The following FGF14 variants were observed in gnomAD, a reference collection of about 807,000 sequenced individuals.
FGF14 encodes fibroblast growth factor homologous factor 4.
FGF14 carries 5 observed loss-of-function variants against 25.5 expected under a neutral mutation model. The observed-to-expected ratio is 0.20, with a 90% confidence interval of 0.10 to 0.41. The LOEUF (loss-of-function observed/expected upper bound fraction) is 0.41, where lower values mean the gene tolerates loss of function less well. FGF14 is among the 10% of genes least tolerant of loss of function. The pLI, the probability that FGF14 is intolerant of heterozygous loss-of-function variation, is 1.00. For synonymous variants in FGF14, 138 were observed against 118.3 expected, an observed-to-expected ratio of 1.17 and a Z score of -1.08; for missense variants, 222 against 320.1, an observed-to-expected ratio of 0.69 and a Z score of 2.34.
At chr13:101,850,487 T>C (rs1488270566) in intron 3 of FGF14, among the ~76,000 whole-genome samples, 1 of 1,740 alleles carries the variant, frequency 5.7e-4, no homozygotes, top group Admixed American at 0.014. Context: ...TATATATATA[T>C]ATATATATAT....
At chr13:102,068,503 G>C (rs560503089) in intron 1 of FGF14, among the ~76,000 whole-genome samples, 10 of 152,298 alleles carry the variant, frequency 6.6e-5, no homozygotes, top group African/African-American at 1.9e-4. Context: ...CCAGGGCTGC[G>C]TACAGTGCTT....
At chr13:101,978,821 C>T (rs1184491045) in intron 1 of FGF14, among the ~76,000 whole-genome samples, 3 of 152,176 alleles carry the variant, frequency 2.0e-5, no homozygotes. Context: ...GATAAGCCCT[C>T]CCTGGAAGAG....
chr13:102,356,135 G>A (rs554001008), intron 1 of FGF14, among the ~76,000 whole-genome samples: 1 of 152,198 alleles, frequency 6.6e-6, no homozygotes, highest in Non-Finnish European at 1.5e-5. Context: ...GAAAAATAAA[G>A]AGATGAACAT....
intron 1 of FGF14, among the ~76,000 whole-genome samples, chr13:101,959,581 C>CA (rs2036716459): frequency 6.6e-6 from 1 of 152,126 alleles, no homozygotes; most frequent in East Asian, 1.9e-4. Context: ...GCTGTTATTC[C>CA]AACTTGGAGT....
chr13:102,255,684 G>C (rs1454923705), intron 1 of FGF14, among the ~76,000 whole-genome samples: 2 of 152,130 alleles, frequency 1.3e-5, no homozygotes, highest in Non-Finnish European at 2.9e-5. Context: ...TCTGCTTCTG[G>C]GGGGCAAGTA....
At chr13:102,263,164 T>C (rs2052803732) in intron 1 of FGF14, 1 of 583,666 alleles carries the variant, frequency 1.7e-6, no homozygotes, top group African/African-American at 1.9e-5. Context: ...TGGCCAGGAA[T>C]CCTAAAAGTC....
intron 1 of FGF14, among the ~76,000 whole-genome samples, chr13:101,930,249 G>T (rs2034658225): frequency 6.6e-6 from 1 of 152,076 alleles, no homozygotes; most frequent in Non-Finnish European, 1.5e-5. Flanking sequence ...GAAAAATCAA[G>T]GTTGCAAATC....
chr13:102,290,707 T>C (rs2054342971), intron 1 of FGF14, among the ~76,000 whole-genome samples: 1 of 152,186 alleles, frequency 6.6e-6, no homozygotes, highest in Non-Finnish European at 1.5e-5. Flanking sequence ...TCAGCTTTAT[T>C]CTGGAGTAAG....
intron 1 of FGF14, among the ~76,000 whole-genome samples, chr13:102,120,403 T>A (rs1009279217): frequency 1.2e-4 from 19 of 152,272 alleles, no homozygotes; most frequent in African/African-American, 3.8e-4. Flanking sequence ...ATGAGTAGTG[T>A]TAAATGAGGA....
At position 101,753,636 on chromosome 13, in the gene FGF14, C is replaced by G. The variant is rs573570103; in HGVS notation, c.409-26826G>C. On this transcript the variant is annotated intron_variant, in intron 3 of 4. Coordinates refer to ENST00000376143, the MANE Select transcript of FGF14 (RefSeq NM_004115.4). ...CCTGATCAACATGGAGAAACCCCGT[C>G]TCTACTAAAAATAAAAATCAGCTGG... 1.1e-4 allele frequency among the ~76,000 whole-genome samples: 16 copies of G among 152,172 alleles called. 1 individual carries two copies. The East Asian group carries it at 1.9e-3, about 18-fold the overall frequency.
chr13:101,787,013 C>G (rs2039874760), intron 3 of FGF14, among the ~76,000 whole-genome samples: 1 of 152,138 alleles, frequency 6.6e-6, no homozygotes. Flanking sequence ...TACAATCTGT[C>G]TTGTCTTCCC....
intron 1 of FGF14, among the ~76,000 whole-genome samples, chr13:102,112,123 A>G (rs1470623404): frequency 6.6e-6 from 1 of 152,176 alleles, no homozygotes; most frequent in African/African-American, 2.4e-5. Context: ...AGTACTTCAT[A>G]CTTATTATCT....
chr13:102,063,596 A>G (rs1486033082), intron 1 of FGF14, among the ~76,000 whole-genome samples: 1 of 151,708 alleles, frequency 6.6e-6, no homozygotes, highest in Non-Finnish European at 1.5e-5. Context: ...AGCCTGGGCA[A>G]CAGAATAAGA....
chr13:101,869,505 A>G (rs2044927493), intron 2 of FGF14, among the ~76,000 whole-genome samples: 1 of 152,232 alleles, frequency 6.6e-6, no homozygotes, highest in South Asian at 2.1e-4. Flanking sequence ...ATAACATTAA[A>G]AAAACTTAAC....
At chr13:101,766,452 A>G (rs993756255) in intron 3 of FGF14, among the ~76,000 whole-genome samples, 2 of 152,204 alleles carry the variant, frequency 1.3e-5, no homozygotes, top group Non-Finnish European at 2.9e-5. Context: ...TTTATTTAGC[A>G]GACTCTTGCA....
chr13:102,102,425 C>T (rs1222637977), intron 1 of FGF14, among the ~76,000 whole-genome samples: 2 of 152,156 alleles, frequency 1.3e-5, no homozygotes, highest in Non-Finnish European at 1.5e-5. Flanking sequence ...ATTGTATTGC[C>T]AGCTTAATAC....
chr13:102,189,043 A>AAT (rs1566797287), intron 1 of FGF14, among the ~76,000 whole-genome samples: 143 of 65,242 alleles, frequency 2.2e-3, no homozygotes, highest in Non-Finnish European at 3.7e-3. Flanking sequence ...AGAAAGAAAG[A>AAT]GAAAGAATGA....
At chr13:102,272,475 T>C (rs1325565650) in intron 1 of FGF14, among the ~76,000 whole-genome samples, 2 of 152,178 alleles carry the variant, frequency 1.3e-5, no homozygotes, top group East Asian at 3.9e-4. Context: ...AGTCCAGTAC[T>C]TGGCACAAAG....
chr13:102,101,125 A>AG (rs2044644210), intron 1 of FGF14, among the ~76,000 whole-genome samples: 1 of 151,812 alleles, frequency 6.6e-6, no homozygotes, highest in African/African-American at 2.4e-5. Flanking sequence ...AAAAAAAAAA[A>AG]GGTAAAGTGA....
Sources: gnomAD v4.1 joint callset for allele counts (sites outside exome capture counted in the v4.1 genomes callset) on GRCh38, gnomAD v4.1.1 for gene constraint, MANE v1.5 for transcripts, NCBI Gene and HGNC (gene_info 2026-07-23, HGNC 2026-07-21) for gene names.